Variants in LOC400499 observed in about 807,000 individuals in gnomAD.
At chr16:11,455,157 G>A in the LOC400499 span, among the ~76,000 whole-genome samples, 1 of 152,200 alleles carries the variant, frequency 6.6e-6, no homozygotes, top group African/African-American at 2.4e-5. Context: ...CACCATGATA[G>A]GACACCATAT....
the LOC400499 span, chr16:11,518,937 C>G: frequency 5.0e-6 from 2 of 398,938 alleles, no homozygotes; most frequent in Non-Finnish European, 4.4e-6. Context: ...TCCACCTTGG[C>G]CCCCAGGATG....
At chr16:11,506,611 A>G in the LOC400499 span, among the ~76,000 whole-genome samples, 1 of 151,324 alleles carries the variant, frequency 6.6e-6, no homozygotes, top group African/African-American at 2.4e-5. Flanking sequence ...ACCCCACTGC[A>G]CCCTTGCTTC....
chr16:11,422,714 T>G, the LOC400499 span, among the ~76,000 whole-genome samples: 15 of 152,050 alleles, frequency 9.9e-5, no homozygotes, highest in African/African-American at 3.6e-4. Context: ...GACGCTCAGG[T>G]GGCAGTGGTG....
At chr16:11,448,897 C>T in the LOC400499 span, 1 of 1,442,942 alleles carries the variant, frequency 6.9e-7, no homozygotes, top group South Asian at 1.3e-5. Flanking sequence ...CTCTTGGCTG[C>T]ACGGGCCTCC....
At chr16:11,501,954 G>A in the LOC400499 span, 1 of 395,228 alleles carries the variant, frequency 2.5e-6, no homozygotes, top group Non-Finnish European at 4.5e-6. Context: ...AGTGTCAAGG[G>A]GACGGGATGA....
chr16:11,424,287 G>C, the LOC400499 span: 1 of 399,280 alleles, frequency 2.5e-6, no homozygotes. Context: ...CAGGCGTGCT[G>C]AGCAGTTGGA....
chr16:11,431,385 T>C, the LOC400499 span, among the ~76,000 whole-genome samples: 1 of 152,178 alleles, frequency 6.6e-6, no homozygotes, highest in South Asian at 2.1e-4. Context: ...GGGAATAAAG[T>C]GGACATACTG....
chr16:11,452,607 C>A, the LOC400499 span, among the ~76,000 whole-genome samples: 1 of 152,224 alleles, frequency 6.6e-6, no homozygotes, highest in Non-Finnish European at 1.5e-5. Flanking sequence ...CTGCATCTGC[C>A]CAGGCAGGAC....
At chr16:11,462,138 T>A in the LOC400499 span, 1 of 1,517,362 alleles carries the variant, frequency 6.6e-7, no homozygotes, top group Non-Finnish European at 8.8e-7. Context: ...GCCTGGTCAC[T>A]CAGCAGATGG....
the LOC400499 span, chr16:11,488,709 C>G: frequency 2.5e-6 from 1 of 398,862 alleles, no homozygotes; most frequent in African/African-American, 2.1e-5. Flanking sequence ...ATGGCCATAC[C>G]TGATCGGAAG....
At chr16:11,413,674 C>A in the LOC400499 span, among the ~76,000 whole-genome samples, 29 of 152,318 alleles carry the variant, frequency 1.9e-4, no homozygotes, top group African/African-American at 6.7e-4. Flanking sequence ...ACGTGTGACC[C>A]AGAGATGATG....
the LOC400499 span, chr16:11,423,279 AG>A: frequency 2.5e-6 from 1 of 399,108 alleles, no homozygotes; most frequent in Non-Finnish European, 4.4e-6. Context: ...GTGGGTGGGA[AG>A]GGGCTGGCTT....
chr16:11,507,744 C>T, the LOC400499 span, among the ~76,000 whole-genome samples: 1 of 152,256 alleles, frequency 6.6e-6, no homozygotes, highest in Non-Finnish European at 1.5e-5. Context: ...CCAGCCTGGG[C>T]AACATGGCAA....
the LOC400499 span, among the ~76,000 whole-genome samples, chr16:11,394,535 A>G: frequency 5.1e-4 from 77 of 152,346 alleles, no homozygotes; most frequent in Non-Finnish European, 8.8e-4. Flanking sequence ...TATGTCTGTT[A>G]AGGGTTGAAT....
chr16:11,419,668 T>A, the LOC400499 span, among the ~76,000 whole-genome samples: 1 of 152,018 alleles, frequency 6.6e-6, no homozygotes, highest in African/African-American at 2.4e-5. Flanking sequence ...ACAGGCAACC[T>A]CCAAAATGGG....
At chr16:11,385,957 G>A in the LOC400499 span, among the ~76,000 whole-genome samples, 2 of 152,128 alleles carry the variant, frequency 1.3e-5, no homozygotes, top group Admixed American at 6.5e-5. Flanking sequence ...GATCACTTGA[G>A]CCCAGAAGGT....
chr16:11,400,655 G>A, the LOC400499 span, among the ~76,000 whole-genome samples: 1 of 152,066 alleles, frequency 6.6e-6, no homozygotes, highest in African/African-American at 2.4e-5. Flanking sequence ...TGGCCAGGCT[G>A]GTCTCAAATT....
chr16:11,419,096 G>A, the LOC400499 span, among the ~76,000 whole-genome samples: 20 of 151,000 alleles, frequency 1.3e-4, no homozygotes, highest in East Asian at 3.9e-3. Flanking sequence ...AGCCCAGGGG[G>A]CGGAGCTTGC....
At chr16:11,496,562 T>C in the LOC400499 span, among the ~76,000 whole-genome samples, 2 of 152,266 alleles carry the variant, frequency 1.3e-5, no homozygotes, top group South Asian at 2.1e-4. Flanking sequence ...CGCACTCGAG[T>C]ACCCTAGTAT....
Sources: gnomAD v4.1 joint callset for allele counts (sites outside exome capture counted in the v4.1 genomes callset) on GRCh38, gnomAD v4.1.1 for gene constraint, MANE v1.5 for transcripts.